The following GRIP2 variants were observed in gnomAD, a reference collection of about 807,000 sequenced individuals.
GRIP2 encodes glutamate receptor-interacting protein 2.
Under a neutral mutation model 108.3 loss-of-function variants are expected in GRIP2, and 58 were observed. The observed-to-expected ratio is 0.54, with a 90% CI of 0.43 to 0.67. The LOEUF is 0.67. GRIP2 is among the 30% of genes least tolerant of loss of function. The pLI is 0.00. For synonymous variants in GRIP2, 586 were observed against 598.2 expected, an observed-to-expected ratio of 0.98 and a Z score of 0.30; for missense variants, 1,278 against 1,430.6, an observed-to-expected ratio of 0.89 and a Z score of 1.72.
chr3:14,572,963 C>T, the GRIP2 span: 1 of 1,474,234 alleles, frequency 6.8e-7, no homozygotes, highest in South Asian at 1.1e-5. Context: ...AGAGGACCAC[C>T]AGGCCAGCCA....
chr3:14,509,677 G>A (rs901443936), intron 17 of GRIP2, 143 bp downstream of exon 17: 11 of 840,198 alleles, frequency 1.3e-5, no homozygotes, highest in Non-Finnish European at 1.8e-5. Context: ...GAGTCTCAGA[G>A]AGGGGAAGTG....
At chr3:14,509,763 C>G (rs1015318209) in intron 17 of GRIP2, 57 bp downstream of exon 17, 1 of 1,339,176 alleles carries the variant, frequency 7.5e-7, no homozygotes, top group African/African-American at 1.5e-5. Context: ...ATAGCCCCAG[C>G]TCTTGCTTCC....
rs1394923759 is a variant in GRIP2, at chr3:14,511,882, T to C, written c.1721-403A>G. Among the ~76,000 whole-genome samples, 1 of 152,088 alleles carries C rather than the reference T, an allele frequency of 6.6e-6. No individual in the cohort carries two copies. The highest frequency in any genetic ancestry group is 1.5e-5 in the Non-Finnish European group (1 of 68,004). The stretch of plus-strand genomic sequence containing the variant: ...GGGCCAGCACCCAGGCTCTATTGTG[T>C]GCTTGGGGGTGGGAGACACAGAAGT... On this transcript the variant is annotated intron_variant, in intron 14 of 23. Transcript: ENST00000621039. This position sits in a 1 kb window ranked among gnomAD's most constrained non-coding sequence, Gnocchi z 4.1.
rs758659394 is a variant in GRIP2, at chr3:14,505,711, G to C, written c.2477C>G (p.Pro826Arg). 2 of 1,592,036 alleles carry C rather than the reference G, an allele frequency of 1.3e-6. No homozygotes were observed. Among genetic ancestry groups the C allele is most frequent in the Non-Finnish European group, 8.5e-7 (1 of 1,169,702 alleles). Residue 826 changes from proline (P) to arginine (R), a missense_variant, in exon 20 of 24, where the codon CCA (proline) becomes CGA (arginine). Transcript: ENST00000621039. The surrounding 1 kb of genome is among the most constrained non-coding windows in gnomAD (Gnocchi z 4.2). ...GCTCGTCCTCCGGGGCTCGGTGGGTGGGGGGCTGCCCCTCAGCCAGCCAGG... is the reference window on the plus strand; with the variant it reads ...GCTCGTCCTCCGGGGCTCGGTGGGTCGGGGGCTGCCCCTCAGCCAGCCAGG... ...RRPGWLRGSPPPTEPRRTSYT... is the reference protein window; with the variant it reads ...RRPGWLRGSPRPTEPRRTSYT...
the GRIP2 span, among the ~76,000 whole-genome samples, chr3:14,561,093 A>G: frequency 6.6e-6 from 1 of 152,202 alleles, no homozygotes; most frequent in African/African-American, 2.4e-5. Flanking sequence ...AGCCATCTGA[A>G]GCTTGCTCAT....
chr3:14,580,418 G>A, the GRIP2 span, among the ~76,000 whole-genome samples: 1 of 152,226 alleles, frequency 6.6e-6, no homozygotes, highest in African/African-American at 2.4e-5. Context: ...AGGCTGGGCT[G>A]GACGCAATGG....
chr3:14,522,720 G>A lies in GRIP2; in HGVS notation c.566+280C>T. The A allele has an allele frequency of 2.3e-6, 1 of 430,874 alleles. No individual in the cohort carries two copies. Among genetic ancestry groups the A allele is most frequent in the South Asian group, 2.7e-5 (1 of 37,644 alleles). The allele number at this position is 430,874 out of a possible 1,614,324, so 26.7% of individuals were successfully genotyped here. ...CCATTCCACAGACGGGAAAACCAAGGAGCAGGAAAGGGAAGAACGACACCA... is the reference window on the plus strand; with the variant it reads ...CCATTCCACAGACGGGAAAACCAAGAAGCAGGAAAGGGAAGAACGACACCA... On this transcript the variant is annotated intron_variant, in intron 6 of 23. Coordinates refer to ENST00000621039, the MANE Select transcript of GRIP2 (RefSeq NM_001080423.4). This position sits in a 1 kb window ranked among gnomAD's most constrained non-coding sequence, Gnocchi z 4.3.
At chr3:14,510,248 A>G (rs1694045689) in intron 16 of GRIP2, among the ~76,000 whole-genome samples, 1 of 144,856 alleles carries the variant, frequency 6.9e-6, no homozygotes, top group Non-Finnish European at 1.5e-5. Context: ...GGGAACCCCG[A>G]TCATCCGTTG....
At position 14,505,863 on chromosome 3, in the gene GRIP2, T is replaced by C; in HGVS notation, c.2399-74A>G. On this transcript the variant is annotated intron_variant, in intron 19 of 23. Coordinates refer to ENST00000621039, the MANE Select transcript of GRIP2 (RefSeq NM_001080423.4). This position sits in a 1 kb window ranked among gnomAD's most constrained non-coding sequence, Gnocchi z 4.2. Reference sequence around the variant, plus strand: ...CTCCTGCCTGCCCCATTTCCAGCTGTGCTGAGTGACCCTGGGGAGGTCGTT... The same window carrying C: ...CTCCTGCCTGCCCCATTTCCAGCTGCGCTGAGTGACCCTGGGGAGGTCGTT... The C allele has an allele frequency of 7.2e-7, 1 of 1,388,142 alleles. No homozygotes were observed. The highest frequency in any genetic ancestry group is 9.6e-7 in the Non-Finnish European group (1 of 1,044,554). 86.0% of individuals were successfully genotyped at this position (1,388,142 alleles called of 1,614,324 possible). A position where few individuals can be genotyped will look rare whatever the true frequency, so the allele number is the denominator to read the frequency against.
At position 14,507,376 on chromosome 3, in the gene GRIP2, G is replaced by A. The variant is rs150874352; in HGVS notation, c.2218+185C>T. ...AGGGCTCAGACCCAGATTCTGCCCC[G>A]TGCCCACTGTGTGGCCCTGGGCTCA... On this transcript the variant is annotated intron_variant, in intron 18 of 23. Coordinates refer to ENST00000621039, the MANE Select transcript of GRIP2 (RefSeq NM_001080423.4). This position sits in a 1 kb window ranked among gnomAD's most constrained non-coding sequence, Gnocchi z 4.6. Among the ~76,000 whole-genome samples the A allele has an allele frequency of 5.3e-4, 81 of 152,322 alleles. No individual in the cohort carries two copies. The highest frequency in any genetic ancestry group is 1.9e-3 in the African/African-American group (80 of 41,566).
chr3:14,540,409 C>T, upstream of GRIP2: 6 of 1,605,846 alleles, frequency 3.7e-6, no homozygotes, highest in Non-Finnish European at 5.1e-6. The surrounding 1 kb of genome is among the most constrained non-coding windows in gnomAD (Gnocchi z 4.1). Context: ...GGGAAGCTCA[C>T]AGCTCCCACT....
chr3:14,570,039 T>A, the GRIP2 span, among the ~76,000 whole-genome samples: 1 of 152,174 alleles, frequency 6.6e-6, no homozygotes, highest in South Asian at 2.1e-4. Flanking sequence ...TAGTGGCAGA[T>A]CTGGGATTTG....
At chr3:14,516,561 C>T (rs1194591830) in intron 11 of GRIP2, among the ~76,000 whole-genome samples, 1 of 152,120 alleles carries the variant, frequency 6.6e-6, no homozygotes, top group Non-Finnish European at 1.5e-5. Flanking sequence ...TTCAAAAGGG[C>T]AATTTTGAAC....
At chr3:14,583,600 T>C in the GRIP2 span, among the ~76,000 whole-genome samples, 14 of 152,198 alleles carry the variant, frequency 9.2e-5, no homozygotes, top group African/African-American at 3.4e-4. Context: ...CTGGGAATTC[T>C]GAGCACTGCT....
At chr3:14,533,561 C>A (rs1694761242) in intron 1 of GRIP2, among the ~76,000 whole-genome samples, 1 of 152,172 alleles carries the variant, frequency 6.6e-6, no homozygotes, top group African/African-American at 2.4e-5. Flanking sequence ...GACGGAGGAA[C>A]AACGGCACCC....
rs748410514 is a variant in GRIP2 at position 14,520,536 on chromosome 3, G to A, written c.714C>T (p.Asp238=). 1 of 1,613,860 alleles carries A rather than the reference G, an allele frequency of 6.2e-7. No homozygotes were observed. The highest frequency in any genetic ancestry group is 1.1e-5 in the South Asian group (1 of 91,084). ...AGGGTCCCGAAGCATTAGCCACCGTGTCTGGCATGACGGAGAAAAAAAGTT... is the reference window on the plus strand; with the variant it reads ...AGGGTCCCGAAGCATTAGCCACCGTATCTGGCATGACGGAGAAAAAAAGTT... ...FQVEYDVATP[D]TVANASGPLM... Residue 238 remains aspartate, a splice_region_variant and synonymous_variant, in exon 8 of 24, where the codon GAC becomes GAT. Transcript: ENST00000621039.
At chr3:14,594,025 C>T in the GRIP2 span, among the ~76,000 whole-genome samples, 1 of 152,232 alleles carries the variant, frequency 6.6e-6, no homozygotes, top group Admixed American at 6.5e-5. Context: ...ACTGCAGTTG[C>T]TGCCTCCCTG....
At chr3:14,582,618 T>G in the GRIP2 span, among the ~76,000 whole-genome samples, 1 of 152,212 alleles carries the variant, frequency 6.6e-6, no homozygotes. Flanking sequence ...GCCACCCTTG[T>G]CTTCCCTGAA....
At chr3:14,590,180 T>C in the GRIP2 span, among the ~76,000 whole-genome samples, 2 of 152,330 alleles carry the variant, frequency 1.3e-5, no homozygotes, top group South Asian at 2.1e-4. Context: ...GAATAATCCC[T>C]GAGAAGGTGA....
Sources: gnomAD v4.1 joint callset for allele counts (sites outside exome capture counted in the v4.1 genomes callset) on GRCh38, gnomAD v4.1.1 for gene constraint, Gnocchi (gnomAD v3.1) non-coding constraint, MANE v1.5 for transcripts, NCBI Gene and HGNC (gene_info 2026-07-23, HGNC 2026-07-21) for gene names.